PIBF1: variants seen among roughly 807,000 people sequenced by gnomAD.
PIBF1 encodes the protein progesterone-induced-blocking factor 1.
Under a neutral mutation model 112.5 loss-of-function variants are expected in PIBF1, and 90 were observed. The observed-to-expected ratio is 0.80, with a 90% confidence interval of 0.67 to 0.95. The LOEUF is 0.95. Ranked by LOEUF, PIBF1 falls within the 40% of genes least tolerant of loss-of-function variation. The probability of loss-of-function intolerance (pLI) is 0.00; values close to 1 mark genes in which losing one functional copy is unlikely to be tolerated. For synonymous variants in PIBF1, 301 were observed against 288.6 expected (o/e 1.04, Z -0.44); for missense variants, 915 against 852.3 (o/e 1.07, Z -0.92).
intron 12 of PIBF1, among the ~76,000 whole-genome samples, chr13:72,914,457 G>T (rs1449350836): frequency 6.6e-6 from 1 of 151,506 alleles, no homozygotes; most frequent in East Asian, 1.9e-4. Context: ...CCTTCACTAG[G>T]CATTTGTCGA....
chr13:72,881,993 G>A (rs569877523), intron 10 of PIBF1, among the ~76,000 whole-genome samples: 3 of 152,004 alleles, frequency 2.0e-5, no homozygotes, highest in African/African-American at 4.8e-5. Context: ...GCTATCCTAC[G>A]CAAAAAGAGC....
rs2034301866 is a variant in PIBF1, at chr13:72,782,315, C to G, written c.-82C>G. 1 of 156,270 alleles carries G rather than the reference C, an allele frequency of 6.4e-6. No individual in the cohort carries two copies. The highest frequency in any genetic ancestry group is 2.4e-5 in the African/African-American group (1 of 41,612). The allele number at this position is 156,270 out of a possible 1,614,324, so 9.7% of individuals were successfully genotyped here. Reference sequence around the variant, plus strand: ...CTCGGTGTCTGCACTGGCTGCTGGTCAAGGCTTCAGTGTGGAGTAATTGAC... The same window carrying G: ...CTCGGTGTCTGCACTGGCTGCTGGTGAAGGCTTCAGTGTGGAGTAATTGAC... On this transcript the variant is annotated 5_prime_UTR_variant, in exon 1 of 18. Transcript: ENST00000326291.
intron 10 of PIBF1, among the ~76,000 whole-genome samples, chr13:72,867,745 G>A (rs941339234): frequency 6.6e-6 from 1 of 152,154 alleles, no homozygotes; most frequent in African/African-American, 2.4e-5. Flanking sequence ...AAACTCCAAG[G>A]TAGTGTGTTT....
intron 2 of PIBF1, 27 bp from the exon 3 acceptor site, chr13:72,792,420 A>G (rs1203288063): frequency 3.1e-6 from 4 of 1,299,852 alleles, no homozygotes; most frequent in African/African-American, 1.5e-5. Context: ...GACAAATCAT[A>G]TAATTTATCT....
intron 9 of PIBF1, among the ~76,000 whole-genome samples, chr13:72,853,327 G>C (rs570385767): frequency 6.6e-6 from 1 of 152,078 alleles, no homozygotes; most frequent in Admixed American, 6.5e-5. Context: ...ATACTTCTTT[G>C]AGCCCTACAT....
At chr13:72,994,987 T>C (rs2043602144) in intron 16 of PIBF1, among the ~76,000 whole-genome samples, 1 of 152,144 alleles carries the variant, frequency 6.6e-6, no homozygotes, top group South Asian at 2.1e-4. Context: ...CTTTCATGGC[T>C]GTGAACACTT....
At position 72,827,023 on chromosome 13, in the gene PIBF1, C is replaced by T. The variant is rs775131924; in HGVS notation, c.820C>T (p.Leu274Phe). Residue 274 changes from leucine to phenylalanine, a missense_variant, in exon 7 of 18, where the codon CTT becomes TTT. Physicochemically the swap from Leu to Phe is conservative, Grantham distance 22 (BLOSUM62 0). Transcript: ENST00000326291. ...YDKVKSERDA[L>F]EQEVIELRRK... ...TTATTTTAACAGTGAACGTGATGCA[C>T]TTGAACAGGAAGTAATTGAGCTTAG... is the stretch of plus-strand genomic sequence containing the variant. 1 of 1,596,244 alleles carries T rather than the reference C, an allele frequency of 6.3e-7. No individual in the cohort carries two copies. Among genetic ancestry groups the T allele is most frequent in the Admixed American group, 1.7e-5 (1 of 57,546 alleles).
chr13:72,846,159 G>C (rs1425104343), intron 9 of PIBF1, among the ~76,000 whole-genome samples: 1 of 152,100 alleles, frequency 6.6e-6, no homozygotes, highest in African/African-American at 2.4e-5. Context: ...TTATCCTAAT[G>C]TGTTCAGAAG....
chr13:72,885,607 A>C (rs2039818467), intron 10 of PIBF1, among the ~76,000 whole-genome samples: 1 of 152,126 alleles, frequency 6.6e-6, no homozygotes, highest in Non-Finnish European at 1.5e-5. Flanking sequence ...TCCTGCACTG[A>C]AGTAACTTGT....
At chr13:72,966,291 C>A (rs2096569791) in intron 15 of PIBF1, among the ~76,000 whole-genome samples, 1 of 152,108 alleles carries the variant, frequency 6.6e-6, no homozygotes, top group African/African-American at 2.4e-5. Flanking sequence ...ACAGTAATTA[C>A]CTTCTTTCAT....
At chr13:72,840,615 C>T (rs763604564) in intron 9 of PIBF1, among the ~76,000 whole-genome samples, 4 of 151,776 alleles carry the variant, frequency 2.6e-5, no homozygotes, top group East Asian at 1.9e-4. Flanking sequence ...CCTCCACCTC[C>T]CGAGTCCAAG....
chr13:72,918,792 C>T (rs534864148), intron 13 of PIBF1, among the ~76,000 whole-genome samples: 1 of 151,790 alleles, frequency 6.6e-6, no homozygotes, highest in Admixed American at 6.6e-5. Context: ...CAACCTCCAC[C>T]TCCCAGGTTC....
At position 72,787,472 on chromosome 13, in the gene PIBF1, A is replaced by AG. The variant is rs538728296; in HGVS notation, c.252+3753dup. On this transcript the variant is annotated intron_variant, in intron 2 of 17. Transcript: ENST00000326291. ...TGTTTGTTTTCTTGGTGTTTCAATG[A>AG]GGTCCAGCTCTAGAAGAAAGCAAAG... Among the ~76,000 whole-genome samples, 11 of 152,118 alleles carry AG rather than the reference A, an allele frequency of 7.2e-5. No individual in the cohort carries two copies. In the South Asian group the frequency reaches 2.3e-3, roughly 32 times the overall value.
chr13:72,801,410 ATG>A (rs2035468127), intron 5 of PIBF1, among the ~76,000 whole-genome samples: 1 of 152,192 alleles, frequency 6.6e-6, no homozygotes, highest in African/African-American at 2.4e-5. Context: ...CATAAAATAT[ATG>A]TAGGTACTAT....
At chr13:72,970,175 G>A (rs947135079) in intron 15 of PIBF1, among the ~76,000 whole-genome samples, 1 of 144,026 alleles carries the variant, frequency 6.9e-6, no homozygotes, top group Non-Finnish European at 1.6e-5. Flanking sequence ...TTTCTAGAAA[G>A]GCTAGAGTAA....
At chr13:72,960,843 AAAT>A (rs1428725768) in intron 14 of PIBF1, among the ~76,000 whole-genome samples, 1 of 152,182 alleles carries the variant, frequency 6.6e-6, no homozygotes, top group African/African-American at 2.4e-5. Flanking sequence ...TAACTTAGTA[AAAT>A]AATAAGATTC....
intron 14 of PIBF1, among the ~76,000 whole-genome samples, chr13:72,951,202 C>T (rs1025941468): frequency 4.0e-4 from 61 of 152,082 alleles, no homozygotes; most frequent in Non-Finnish European, 8.1e-4. Context: ...ATCTTCGGGT[C>T]GTAGGGGAGA....
chr13:72,968,893 T>C (rs1163723523), intron 15 of PIBF1, among the ~76,000 whole-genome samples: 1 of 151,398 alleles, frequency 6.6e-6, no homozygotes, highest in Non-Finnish European at 1.5e-5. Context: ...TACAGAAAAA[T>C]TTGCCAGTGT....
At chr13:72,840,857 A>G (rs1274100098) in intron 9 of PIBF1, among the ~76,000 whole-genome samples, 1 of 152,194 alleles carries the variant, frequency 6.6e-6, no homozygotes, top group Non-Finnish European at 1.5e-5. Context: ...AACTGAAATG[A>G]TGATTAATGA....
Sources: allele counts gnomAD v4.1 joint callset (sites outside exome capture counted in the v4.1 genomes callset), GRCh38; gene constraint gnomAD v4.1.1; transcripts MANE v1.5; gene names NCBI Gene and HGNC (gene_info 2026-07-23, HGNC 2026-07-21).